Variants in CDC42BPA observed in about 807,000 individuals in gnomAD.
The protein encoded by CDC42BPA is CDC42 binding protein kinase alpha.
Under a neutral mutation model 223.5 loss-of-function variants are expected in CDC42BPA, and 80 were observed. That is an observed-to-expected ratio of 0.36 (90% confidence interval 0.30 to 0.43). The LOEUF (loss-of-function observed/expected upper bound fraction) is 0.43. Ranked by LOEUF, CDC42BPA falls within the 20% of genes least tolerant of loss-of-function variation. CDC42BPA has a pLI of 1.00. For synonymous variants in CDC42BPA, 694 were observed against 718.6 expected, an observed-to-expected ratio of 0.97 and a Z score of 0.55; for missense variants, 1,743 against 2,099.9, an observed-to-expected ratio of 0.83 and a Z score of 3.32.
intron 6 of CDC42BPA, among the ~76,000 whole-genome samples, chr1:227,154,070 G>A (rs1425074149): frequency 6.6e-6 from 1 of 151,838 alleles, no homozygotes; most frequent in African/African-American, 2.4e-5. Context: ...TTAAAATACT[G>A]CAATATAACA....
chr1:227,247,181 C>T (rs1490419211), intron 2 of CDC42BPA, among the ~76,000 whole-genome samples: 1 of 151,640 alleles, frequency 6.6e-6, no homozygotes, highest in East Asian at 1.9e-4. Flanking sequence ...GCCTGGGCAA[C>T]AGAGCGAGAC....
At chr1:227,260,800 A>G (rs536561602) in intron 1 of CDC42BPA, among the ~76,000 whole-genome samples, 3 of 151,144 alleles carry the variant, frequency 2.0e-5, no homozygotes, top group Admixed American at 6.5e-5. Flanking sequence ...ATGGAATAAC[A>G]TAAGAATCTG....
At chr1:227,243,176 A>G (rs60641084) in intron 2 of CDC42BPA, among the ~76,000 whole-genome samples, 3,161 of 152,246 alleles carry the variant, frequency 0.021, 125 homozygotes, top group African/African-American at 0.072. Context: ...CTGTCAGAGG[A>G]CAGAGGGTGG....
chr1:227,168,272 T>G (rs1046477324), intron 5 of CDC42BPA, among the ~76,000 whole-genome samples: 2 of 152,122 alleles, frequency 1.3e-5, no homozygotes, highest in African/African-American at 4.8e-5. Context: ...ATATCACATT[T>G]ATTTTTGAAG....
chr1:227,004,218 T>G (rs1386997778), intron 35 of CDC42BPA: 5 of 152,204 alleles, frequency 3.3e-5, no homozygotes, highest in African/African-American at 1.2e-4. Context: ...TTTCCATGAC[T>G]AATTCATCAT....
intron 1 of CDC42BPA, among the ~76,000 whole-genome samples, chr1:227,276,098 G>T (rs1686951694): frequency 6.6e-6 from 1 of 151,494 alleles, no homozygotes; most frequent in African/African-American, 2.4e-5. Flanking sequence ...CTGCCCGGCC[G>T]CCCAGTCTGG....
At chr1:227,121,378 G>A (rs1440202571) in intron 11 of CDC42BPA, among the ~76,000 whole-genome samples, 3 of 152,218 alleles carry the variant, frequency 2.0e-5, no homozygotes, top group African/African-American at 7.2e-5. Context: ...CACTTGTGTA[G>A]ATGAATCCTG....
At chr1:227,160,689 TTGGTAAGA>T in intron 5 of CDC42BPA, 53 bp from the exon 6 acceptor site, 1 of 992,344 alleles carries the variant, frequency 1.0e-6, no homozygotes, top group Non-Finnish European at 1.5e-6. Context: ...AATTCATTGT[TTGGTAAGA>T]TATTCTTTTT....
In CDC42BPA at chr1:227,119,945, CA is replaced by C; in HGVS notation, c.1514-9del. 6.4e-7 allele frequency: 1 copy of C among 1,569,782 alleles called. No homozygotes were observed. The highest frequency in any genetic ancestry group is 1.2e-5 in the South Asian group (1 of 83,076). On this transcript the variant is annotated splice_polypyrimidine_tract_variant and intron_variant, in intron 11 of 36. Coordinates refer to ENST00000366766, the MANE Select transcript of CDC42BPA (RefSeq NM_001394014.1). ...GTTCCAAATGACTTGATTCTAAAAA[CA>C]AAAGACAATGTTTCTTTTACTATTT... is the stretch of plus-strand genomic sequence containing the variant.
At chr1:227,143,083 C>T in intron 8 of CDC42BPA, 59 bp from the exon 9 acceptor site, 1 of 1,049,876 alleles carries the variant, frequency 9.5e-7, no homozygotes, top group Non-Finnish European at 1.3e-6. Context: ...GTAGGCTTGG[C>T]TATAAATATA....
intron 14 of CDC42BPA, 22 bp downstream of exon 14, chr1:227,112,290 T>C (rs1404840390): frequency 7.3e-7 from 1 of 1,376,444 alleles, no homozygotes; most frequent in African/African-American, 1.4e-5. Context: ...TTAAGCTTCA[T>C]AAATGTGAAG....
At chr1:227,104,507 G>A (rs1685566307) in intron 14 of CDC42BPA, among the ~76,000 whole-genome samples, 1 of 152,054 alleles carries the variant, frequency 6.6e-6, no homozygotes, top group South Asian at 2.1e-4. Flanking sequence ...TTATGTTTGT[G>A]ACAATTTGGT....
intron 21 of CDC42BPA, 24 bp from the exon 22 acceptor site, chr1:227,052,009 T>C (rs1402229956): frequency 1.5e-6 from 2 of 1,328,152 alleles, no homozygotes; most frequent in Non-Finnish European, 2.0e-6. Context: ...TCGGGAAAAA[T>C]AAAAACCCAA....
At chr1:227,038,699 A>C (rs189439198) in intron 24 of CDC42BPA, among the ~76,000 whole-genome samples, 96 of 152,332 alleles carry the variant, frequency 6.3e-4, no homozygotes, top group Non-Finnish European at 9.3e-4. Flanking sequence ...CGGAAATTTT[A>C]AACAAGTGGG....
intron 5 of CDC42BPA, among the ~76,000 whole-genome samples, chr1:227,174,345 ATCTCATT>A (rs1666601627): frequency 6.6e-6 from 1 of 152,212 alleles, no homozygotes; most frequent in Non-Finnish European, 1.5e-5. Flanking sequence ...AAATATTTCT[ATCTCATT>A]GTAAAAGTAA....
At chr1:227,273,391 C>T (rs1306101942) in intron 1 of CDC42BPA, among the ~76,000 whole-genome samples, 1 of 151,706 alleles carries the variant, frequency 6.6e-6, no homozygotes, top group East Asian at 1.9e-4. Flanking sequence ...CATGGAGAAA[C>T]CCCATCTCTA....
chr1:227,132,747 C>T (rs1657460565), intron 10 of CDC42BPA, among the ~76,000 whole-genome samples: 1 of 151,588 alleles, frequency 6.6e-6, no homozygotes, highest in Non-Finnish European at 1.5e-5. Context: ...CCCGCCCGCC[C>T]ATCGTCTGGG....
intron 5 of CDC42BPA, among the ~76,000 whole-genome samples, chr1:227,162,501 C>G (rs1664098751): frequency 6.6e-6 from 1 of 152,072 alleles, no homozygotes; most frequent in South Asian, 2.1e-4. Flanking sequence ...TGTGCATTGC[C>G]TTTTGCAACT....
At chr1:227,217,371 C>T (rs546761926) in intron 2 of CDC42BPA, among the ~76,000 whole-genome samples, 7 of 151,300 alleles carry the variant, frequency 4.6e-5, no homozygotes, top group African/African-American at 1.7e-4. Flanking sequence ...TGCTTGAACC[C>T]GGGAGACGGA....
Sources: gnomAD v4.1 joint callset for allele counts (sites outside exome capture counted in the v4.1 genomes callset) on GRCh38, gnomAD v4.1.1 for gene constraint, MANE v1.5 for transcripts, NCBI Gene and HGNC (gene_info 2026-07-23, HGNC 2026-07-21) for gene names.